The following PABPC4L variants were observed in gnomAD, a reference collection of about 807,000 sequenced individuals.
The protein encoded by PABPC4L is polyadenylate-binding protein 4-like.
For missense variants in PABPC4L, 452 were observed against 451.4 expected (o/e 1.00, Z -0.01); for synonymous variants, 169 against 164.1 (o/e 1.03, Z -0.23).
chr4:134,021,981 AT>A, the PABPC4L span, among the ~76,000 whole-genome samples: 1 of 152,140 alleles, frequency 6.6e-6, no homozygotes, highest in Non-Finnish European at 1.5e-5. Flanking sequence ...ACAGACAGCT[AT>A]ATCAAACTTA....
chr4:134,013,920 C>T, the PABPC4L span, among the ~76,000 whole-genome samples: 3 of 152,142 alleles, frequency 2.0e-5, no homozygotes, highest in African/African-American at 7.2e-5. Flanking sequence ...CCCAGTCAGG[C>T]TTACAGTTTC....
chr4:134,200,905 T>A lies in PABPC4L; in HGVS notation c.115A>T (p.Ile39Phe). 6.4e-7 allele frequency: 1 copy of A among 1,561,086 alleles called. No individual in the cohort carries two copies. Among genetic ancestry groups the A allele is most frequent in the Middle Eastern group, 1.7e-4 (1 of 6,002 alleles). ...KFSTVGPVLS[I>F]RICRDQVTRR... Reference sequence around the variant, plus strand: ...GTGACCTGGTCCCTGCAAATGCGGATGGACAGCACAGGCCCCACAGTGCTG... The same window carrying A: ...GTGACCTGGTCCCTGCAAATGCGGAAGGACAGCACAGGCCCCACAGTGCTG... The change falls in exon 2 of 2, where the codon ATC (isoleucine) becomes TTC (phenylalanine). Residue 39 changes from isoleucine (I) to phenylalanine (F), a missense_variant. Coordinates refer to ENST00000421491, the MANE Select transcript of PABPC4L (RefSeq NM_001114734.2).
the PABPC4L span, among the ~76,000 whole-genome samples, chr4:134,167,545 T>A: frequency 0.066 from 10,067 of 151,826 alleles, 385 homozygotes; most frequent in South Asian, 0.09. Flanking sequence ...AGAAACTCAA[T>A]TCACTTATAA....
chr4:134,118,507 AG>A, the PABPC4L span, among the ~76,000 whole-genome samples: 1 of 151,870 alleles, frequency 6.6e-6, no homozygotes, highest in African/African-American at 2.4e-5. Context: ...GGCAACACTT[AG>A]ATTGACAAAT....
Position 134,197,604 on chromosome 4 carries a change from T to G in PABPC4L, c.*2303A>C, listed in dbSNP as rs999385812. Reference sequence around the variant, plus strand: ...ATATGCAAAGAAATCTAAAAATCCATGTAAATAAAAAACACCCCAACAGGA... The same window carrying G: ...ATATGCAAAGAAATCTAAAAATCCAGGTAAATAAAAAACACCCCAACAGGA... On this transcript the variant is annotated 3_prime_UTR_variant, in exon 2 of 2. Transcript: ENST00000421491. The G allele has an allele frequency of 6.6e-6, 1 of 151,596 alleles. No homozygotes were observed. Among genetic ancestry groups the G allele is most frequent in the African/African-American group, 2.4e-5 (1 of 41,364 alleles). The allele number at this position is 151,596 out of a possible 1,614,324, so 9.4% of individuals were successfully genotyped here.
chr4:133,994,396 G>C, the PABPC4L span, among the ~76,000 whole-genome samples: 1 of 152,068 alleles, frequency 6.6e-6, no homozygotes, highest in Admixed American at 6.6e-5. Context: ...TCCCCCATTG[G>C]GCTAATAGGT....
At chr4:134,136,393 T>C in the PABPC4L span, among the ~76,000 whole-genome samples, 3 of 152,158 alleles carry the variant, frequency 2.0e-5, no homozygotes, top group Admixed American at 2.0e-4. Context: ...TCTGTTAGTC[T>C]GCTTTGTTTT....
At chr4:133,963,602 A>C in the PABPC4L span, among the ~76,000 whole-genome samples, 1 of 152,084 alleles carries the variant, frequency 6.6e-6, no homozygotes, top group Non-Finnish European at 1.5e-5. Flanking sequence ...CAGAAAAAAA[A>C]CTCATTGAAT....
At chr4:134,021,936 C>G in the PABPC4L span, among the ~76,000 whole-genome samples, 1 of 152,058 alleles carries the variant, frequency 6.6e-6, no homozygotes, top group Non-Finnish European at 1.5e-5. Flanking sequence ...GCTAGACTTT[C>G]CTTGCCTTCT....
the PABPC4L span, among the ~76,000 whole-genome samples, chr4:133,961,009 T>C: frequency 3.3e-5 from 5 of 152,108 alleles, no homozygotes; most frequent in Admixed American, 6.5e-5. Context: ...GCGTGTACTC[T>C]TGGGAGTTCT....
chr4:134,026,968 G>A, the PABPC4L span, among the ~76,000 whole-genome samples: 2 of 151,726 alleles, frequency 1.3e-5, no homozygotes, highest in Admixed American at 6.6e-5. Context: ...CCAGCCTGCA[G>A]AGGGAAAAAA....
At chr4:133,955,402 A>G in the PABPC4L span, among the ~76,000 whole-genome samples, 1 of 152,192 alleles carries the variant, frequency 6.6e-6, no homozygotes, top group Admixed American at 6.5e-5. Context: ...TCAACTATTA[A>G]ATAGTTAATT....
the PABPC4L span, among the ~76,000 whole-genome samples, chr4:134,054,562 C>T: frequency 2.0e-5 from 3 of 151,846 alleles, no homozygotes; most frequent in East Asian, 1.9e-4. Flanking sequence ...TCCTGACAAG[C>T]ACTAAACTCT....
the PABPC4L span, among the ~76,000 whole-genome samples, chr4:134,039,193 C>G: frequency 2.6e-5 from 4 of 151,896 alleles, no homozygotes; most frequent in Non-Finnish European, 5.9e-5. Flanking sequence ...AGAGACTGTT[C>G]ATTATGATTT....
chr4:134,079,801 CTT>C, the PABPC4L span, among the ~76,000 whole-genome samples: 5 of 151,502 alleles, frequency 3.3e-5, no homozygotes, highest in Admixed American at 6.6e-5. Context: ...AGCCAAGGTC[CTT>C]GGAAAATAAT....
chr4:133,995,229 T>G, the PABPC4L span, among the ~76,000 whole-genome samples: 35 of 152,332 alleles, frequency 2.3e-4, no homozygotes, highest in African/African-American at 7.7e-4. Context: ...AGAATGGGGT[T>G]CTTTTCCCAC....
At chr4:134,050,706 C>CAAAAAAAAAAAAAAAAAA in the PABPC4L span, among the ~76,000 whole-genome samples, 13 of 83,012 alleles carry the variant, frequency 1.6e-4, no homozygotes, top group African/African-American at 2.1e-4. Flanking sequence ...CACCGTCTCC[C>CAAAAAAAAAAAAAAAAAA]AAAAAAAAAA....
the PABPC4L span, among the ~76,000 whole-genome samples, chr4:134,189,246 A>T: frequency 2.0e-5 from 3 of 152,112 alleles, no homozygotes; most frequent in Non-Finnish European, 2.9e-5. Context: ...AAAGTTTTTT[A>T]AATTCATGAT....
At chr4:133,983,263 A>G in the PABPC4L span, among the ~76,000 whole-genome samples, 1 of 151,996 alleles carries the variant, frequency 6.6e-6, no homozygotes, top group Non-Finnish European at 1.5e-5. Context: ...AGCCTCTTTG[A>G]GAGTCAACCT....
Sources: allele counts gnomAD v4.1 joint callset (sites outside exome capture counted in the v4.1 genomes callset), GRCh38; gene constraint gnomAD v4.1.1; transcripts MANE v1.5; gene names NCBI Gene and HGNC (gene_info 2026-07-23, HGNC 2026-07-21).